The following RANGAP1 variants were observed in gnomAD, a reference collection of about 807,000 sequenced individuals.
The protein encoded by RANGAP1 is ran GTPase-activating protein 1.
A neutral mutation model predicts 63.5 loss-of-function variants in RANGAP1; 38 were observed. The ratio of observed to expected loss-of-function variants is 0.60; its 90% CI spans 0.46 to 0.78. The LOEUF (loss-of-function observed/expected upper bound fraction) is 0.78, where lower values mean the gene tolerates loss of function less well. Among genes scored for constraint, RANGAP1 ranks in the 30% least tolerant of loss-of-function variants. The pLI is 0.00. For synonymous variants in RANGAP1, 329 were observed against 310.5 expected, an observed-to-expected ratio of 1.06 and a Z score of -0.63; for missense variants, 630 against 740.3, an observed-to-expected ratio of 0.85 and a Z score of 1.73.
At chr22:41,273,836 G>C (rs970784197) in intron 3 of RANGAP1, among the ~76,000 whole-genome samples, 13 of 149,296 alleles carry the variant, frequency 8.7e-5, no homozygotes, top group Non-Finnish European at 4.4e-5. Flanking sequence ...AGCACTTTGG[G>C]AGGCCGAGGC....
Position 41,252,901 on chromosome 22 carries a change from G to A in RANGAP1, c.1351C>T (p.Pro451Ser). Residue 451 changes from proline (P) to serine (S), a missense_variant, in exon 12 of 16, where the codon CCC becomes TCC. Physicochemically the swap from Pro to Ser is moderately conservative, Grantham distance 74. Coordinates refer to ENST00000356244, the MANE Select transcript of RANGAP1 (RefSeq NM_002883.4). ...TGGGCTATCAGCACGGAGCTCTTGG[G>A]CCCTAGGCGCAGCAGCTTCTCTGGA... Reference protein sequence around the residue: ...PSPEKLLRLGPKSSVLIAQQT... With the variant: ...PSPEKLLRLGSKSSVLIAQQT... 6.4e-7 allele frequency: 1 copy of A among 1,573,802 alleles called. No individual in the cohort carries two copies. The highest frequency in any genetic ancestry group is 8.6e-7 in the Non-Finnish European group (1 of 1,161,788).
chr22:41,300,000 C>T, the RANGAP1 span, among the ~76,000 whole-genome samples: 1 of 151,872 alleles, frequency 6.6e-6, no homozygotes, highest in African/African-American at 2.4e-5. Context: ...ATCCGCCCGC[C>T]TCAACCTCCC....
chr22:41,281,557 A>G, intron 1 of RANGAP1: 1 of 988,654 alleles, frequency 1.0e-6, no homozygotes, highest in Non-Finnish European at 1.2e-6. Flanking sequence ...AGAATGCCCC[A>G]CCACCCACGC....
chr22:41,252,426 C>T (rs945160787), intron 12 of RANGAP1, among the ~76,000 whole-genome samples: 13 of 152,092 alleles, frequency 8.5e-5, no homozygotes, highest in Admixed American at 5.2e-4. Flanking sequence ...ATGGATGCCC[C>T]GAAGATCATC....
chr22:41,257,937 A>G lies in RANGAP1; in HGVS notation c.774+11T>C, dbSNP rs2033940829. On this transcript the variant is annotated intron_variant, in intron 7 of 15. Coordinates refer to ENST00000356244, the MANE Select transcript of RANGAP1 (RefSeq NM_002883.4). This position sits in a 1 kb window ranked among gnomAD's most constrained non-coding sequence, Gnocchi z 4.0. Reference sequence around the variant, plus strand: ...GGCGGGGCCCAACTGGCTCTGCCACACTCGCCTCACCTCGGCCATGGCCAC... The same window carrying G: ...GGCGGGGCCCAACTGGCTCTGCCACGCTCGCCTCACCTCGGCCATGGCCAC... 1 of 1,591,228 alleles carries G rather than the reference A, an allele frequency of 6.3e-7. No individual in the cohort carries two copies. Among genetic ancestry groups the G allele is most frequent in the Non-Finnish European group, 8.6e-7 (1 of 1,165,928 alleles).
Position 41,268,139 on chromosome 22 carries a change from G to A in RANGAP1, c.258C>T (p.Asp86=). 6.4e-7 allele frequency: 1 copy of A among 1,556,160 alleles called. No homozygotes were observed. Among genetic ancestry groups the A allele is most frequent in the Non-Finnish European group, 8.7e-7 (1 of 1,148,888 alleles). The change falls in exon 4 of 16, where the codon GAC becomes GAT. Residue 86 remains aspartate, a synonymous_variant. Coordinates refer to ENST00000356244, the MANE Select transcript of RANGAP1 (RefSeq NM_002883.4). Reference sequence around the variant, plus strand: ...CGGTCCGCAGCCTTCCCGTGAACATGTCACTCCAGTGGCAGCGCTGCAACG... The same window carrying A: ...CGGTCCGCAGCCTTCCCGTGAACATATCACTCCAGTGGCAGCGCTGCAACG... ...KSELKRCHWS[D]MFTGRLRTEI...
At chr22:41,275,380 T>C (rs559527736) in intron 2 of RANGAP1, among the ~76,000 whole-genome samples, 1 of 152,040 alleles carries the variant, frequency 6.6e-6, no homozygotes, top group Admixed American at 6.6e-5. Flanking sequence ...TAATCCCAGC[T>C]ACTCGGGAGG....
chr22:41,256,339 C>A, intron 8 of RANGAP1, 49 bp from the exon 9 acceptor site: 1 of 1,569,046 alleles, frequency 6.4e-7, no homozygotes, highest in Non-Finnish European at 8.8e-7. Flanking sequence ...CGGGCCAGGA[C>A]ACCAGGTTCT....
At chr22:41,264,223 G>T (rs2034332867) in intron 5 of RANGAP1, among the ~76,000 whole-genome samples, 1 of 152,204 alleles carries the variant, frequency 6.6e-6, no homozygotes, top group Admixed American at 6.5e-5. Flanking sequence ...GCTCTACACT[G>T]ACCTTGCCTG....
rs559329470 is a variant in RANGAP1 at position 41,285,419 on chromosome 22, A to G, written c.-39+567T>C. ...GTAAATTGATTTGTCCAAGGTCAGC[A>G]AAGGATCAGCGCCAGAGCAAAAGCA... On this transcript the variant is annotated intron_variant, in intron 1 of 15. Transcript: ENST00000356244. The G allele has an allele frequency of 8.4e-5, 70 of 833,988 alleles. No homozygotes were observed. The South Asian group carries it at 3.2e-3, about 38-fold the overall frequency. The allele number at this position is 833,988 out of a possible 1,614,324, so 51.7% of individuals were successfully genotyped here. A position where few individuals can be genotyped will look rare whatever the true frequency, so the allele number is the denominator to read the frequency against.
intron 4 of RANGAP1, among the ~76,000 whole-genome samples, chr22:41,266,230 C>T (rs1218752978): frequency 1.1e-5 from 1 of 95,226 alleles, no homozygotes; most frequent in East Asian, 2.9e-4. Context: ...TAGCCCCTGG[C>T]GATCTGGCCT....
intron 2 of RANGAP1, among the ~76,000 whole-genome samples, chr22:41,275,078 G>A (rs190472469): frequency 1.3e-5 from 2 of 152,156 alleles, no homozygotes; most frequent in East Asian, 3.9e-4. Context: ...CAAGCCAGAG[G>A]GCCAGCAGGC....
At chr22:41,249,600 G>T in intron 14 of RANGAP1, 129 bp downstream of exon 14, 2 of 1,524,006 alleles carry the variant, frequency 1.3e-6, no homozygotes, top group South Asian at 1.2e-5. Flanking sequence ...GGCAGACCCA[G>T]GCCTCGGGGC....
At chr22:41,246,793 C>T (rs1255328435) in intron 15 of RANGAP1, 121 bp from the exon 16 acceptor site, 2 of 930,802 alleles carry the variant, frequency 2.1e-6, no homozygotes, top group East Asian at 5.5e-5. Flanking sequence ...GCAAGAGAGA[C>T]ATTAGCCCTC....
In RANGAP1 at chr22:41,246,607, A is replaced by ACCTTGTG. The variant is rs2033048267; in HGVS notation, c.1759_1760insCACAAGG (p.Val587AlafsTer17). On this transcript the variant is annotated frameshift_variant, in exon 16 of 16. Transcript: ENST00000356244. LOFTEE classifies it high-confidence loss of function. ...GGGATGGGAGAGGCTTTGAGTCTAG[A>ACCTTGTG]CCTTGTACAGCGTCTGCAGCAGACT... 6.4e-7 allele frequency: 1 copy of ACCTTGTG among 1,571,948 alleles called. No homozygotes were observed. Among genetic ancestry groups the ACCTTGTG allele is most frequent in the African/African-American group, 1.3e-5 (1 of 74,226 alleles).
intron 4 of RANGAP1, among the ~76,000 whole-genome samples, chr22:41,267,218 T>C (rs949390554): frequency 6.6e-6 from 1 of 151,840 alleles, no homozygotes; most frequent in African/African-American, 2.4e-5. Flanking sequence ...AATCCTAGCC[T>C]CACAAGCCAG....
chr22:41,258,502 CCCT>C (rs1335805910), intron 6 of RANGAP1, among the ~76,000 whole-genome samples: 2 of 152,100 alleles, frequency 1.3e-5, no homozygotes, highest in African/African-American at 4.8e-5. Flanking sequence ...TTCTTAGGGG[CCCT>C]CCTAGCCCAC....
upstream of RANGAP1, among the ~76,000 whole-genome samples, chr22:41,290,514 C>G (rs1348991894): frequency 6.6e-6 from 1 of 152,144 alleles, no homozygotes; most frequent in Non-Finnish European, 1.5e-5. Context: ...CAGGTGTGAG[C>G]CACCATTTCC....
At chr22:41,277,665 T>C (rs1443055760) in intron 2 of RANGAP1, among the ~76,000 whole-genome samples, 3 of 152,150 alleles carry the variant, frequency 2.0e-5, no homozygotes, top group Non-Finnish European at 4.4e-5. Context: ...GTTTCCCTGG[T>C]TGGGCCAGAA....
Sources: allele counts gnomAD v4.1 joint callset (sites outside exome capture counted in the v4.1 genomes callset), GRCh38; gene constraint gnomAD v4.1.1; non-coding constraint Gnocchi (gnomAD v3.1); transcripts MANE v1.5; gene names NCBI Gene and HGNC (gene_info 2026-07-23, HGNC 2026-07-21).